EAPP: variants seen among roughly 807,000 people sequenced by gnomAD.
EAPP encodes the protein E2F-associated phosphoprotein.
EAPP carries 38 observed loss-of-function variants against 34.3 expected under a neutral mutation model. The observed-to-expected ratio is 1.11, with a 90% CI of 0.85 to 1.45. The LOEUF is 1.45. EAPP is among the 40% of genes most tolerant of loss of function. The pLI is 0.00. For missense variants in EAPP, 338 were observed against 343.7 expected (o/e 0.98, Z 0.13); for synonymous variants, 113 against 117.6 (o/e 0.96, Z 0.25).
intron 1 of EAPP, chr14:34,536,577 A>G (rs1354008171): frequency 1.1e-5 from 2 of 181,072 alleles, no homozygotes; most frequent in African/African-American, 5.1e-5. Flanking sequence ...CAATCCTCCC[A>G]CCTCGGGTTC....
intron 5 of EAPP, among the ~76,000 whole-genome samples, chr14:34,523,208 C>T (rs1159841629): frequency 4.7e-5 from 7 of 148,500 alleles, no homozygotes; most frequent in African/African-American, 1.7e-4. Context: ...CAGTTTGCTT[C>T]TATGCTGCTA....
Position 34,529,417 on chromosome 14 carries a change from T to G in EAPP, c.411A>C (p.Leu137Phe), listed in dbSNP as rs772644786. 1.9e-6 allele frequency: 3 copies of G among 1,613,656 alleles called. No individual in the cohort carries two copies. The South Asian group carries it at 3.3e-5, about 18-fold the overall frequency. The stretch of plus-strand genomic sequence containing the variant: ...TGTTATCTTTTTCAGGATCATACAG[T>G]AATTCGTCATTTGTTGGAATCTTGT... ...KQHKIPTNDE[L>F]LYDPEKDNRD... is the part of the protein sequence containing the mutation. Residue 137 changes from leucine to phenylalanine, a missense_variant, in exon 4 of 6, where the codon TTA becomes TTC. Transcript: ENST00000250454.
At chr14:34,521,442 T>G (rs920905979) in intron 5 of EAPP, among the ~76,000 whole-genome samples, 1 of 149,664 alleles carries the variant, frequency 6.7e-6, no homozygotes, top group Non-Finnish European at 1.5e-5. Flanking sequence ...TACCAATTCT[T>G]AGATTTAATC....
chr14:34,516,105 C>A lies in EAPP; in HGVS notation c.*205G>T. On this transcript the variant is annotated 3_prime_UTR_variant, in exon 6 of 6. Coordinates refer to ENST00000250454, the MANE Select transcript of EAPP (RefSeq NM_018453.4). ...ATCAAAAACAGAATGAATATCAGTC[C>A]CATCAATAAGGGGGAAAATCAAAGA... The A allele has an allele frequency of 2.1e-6, 1 of 481,276 alleles. No individual in the cohort carries two copies. The highest frequency in any genetic ancestry group is 3.6e-6 in the Non-Finnish European group (1 of 278,288). 29.8% of individuals were successfully genotyped at this position (481,276 alleles called of 1,614,324 possible).
intron 4 of EAPP, among the ~76,000 whole-genome samples, chr14:34,525,104 C>T (rs1490565396): frequency 6.6e-6 from 1 of 151,978 alleles, no homozygotes; most frequent in East Asian, 1.9e-4. Flanking sequence ...GATTACAACC[C>T]AAAGTATAAA....
At chr14:34,539,419 C>T (rs896806911) in intron 1 of EAPP, 136 bp downstream of exon 1, 9 of 972,984 alleles carry the variant, frequency 9.2e-6, no homozygotes, top group Non-Finnish European at 1.4e-5. Context: ...AGCCCTTTGG[C>T]TTCGCACAAG....
At chr14:34,522,044 G>C (rs993780355) in intron 5 of EAPP, among the ~76,000 whole-genome samples, 1 of 151,960 alleles carries the variant, frequency 6.6e-6, no homozygotes, top group Non-Finnish European at 1.5e-5. Context: ...CTGCAGCCTC[G>C]ACTTCCAGGG....
At chr14:34,539,187 ATAT>A in intron 1 of EAPP, 1 of 410,364 alleles carries the variant, frequency 2.4e-6, no homozygotes, top group African/African-American at 2.0e-5. Flanking sequence ...ATACTATGTT[ATAT>A]AGGTTATACA....
At chr14:34,531,091 G>C (rs1880273909) in intron 3 of EAPP, among the ~76,000 whole-genome samples, 1 of 151,100 alleles carries the variant, frequency 6.6e-6, no homozygotes, top group Admixed American at 6.6e-5. Flanking sequence ...GACAACCTGA[G>C]ATCAGGAGTT....
intron 2 of EAPP, 196 bp downstream of exon 2, chr14:34,535,898 A>G (rs7144711): frequency 0.36 from 179,020 of 503,172 alleles, 33,240 homozygotes; most frequent in Non-Finnish European, 0.4. Context: ...CATTGAATCT[A>G]AAGTAATAAA....
intron 5 of EAPP, among the ~76,000 whole-genome samples, chr14:34,519,856 C>T (rs1407600558): frequency 7.2e-6 from 1 of 139,850 alleles, no homozygotes; most frequent in Admixed American, 7.0e-5. Context: ...AAAAAAAAAA[C>T]TTACAGTTAT....
chr14:34,538,969 A>C (rs985778789), intron 1 of EAPP, among the ~76,000 whole-genome samples: 2 of 152,168 alleles, frequency 1.3e-5, no homozygotes, highest in Non-Finnish European at 2.9e-5. Context: ...ACTTTATCTT[A>C]TTACCCTTAT....
At chr14:34,531,116 C>A (rs1281726230) in intron 3 of EAPP, among the ~76,000 whole-genome samples, 1 of 151,052 alleles carries the variant, frequency 6.6e-6, no homozygotes, top group Non-Finnish European at 1.5e-5. Context: ...ACCAGCATGA[C>A]CAACATGGCG....
chr14:34,525,732 T>C (rs1296116376), intron 4 of EAPP, among the ~76,000 whole-genome samples: 1 of 151,980 alleles, frequency 6.6e-6, no homozygotes, highest in Non-Finnish European at 1.5e-5. Flanking sequence ...AATAATAATG[T>C]ATCAAGGCCG....
chr14:34,519,945 C>T (rs1366596653), intron 5 of EAPP, among the ~76,000 whole-genome samples: 4 of 148,274 alleles, frequency 2.7e-5, no homozygotes, highest in African/African-American at 7.5e-5. Flanking sequence ...AGTGCAGTGG[C>T]GCAATCTTGG....
At chr14:34,517,503 C>T (rs909345298) in intron 5 of EAPP, among the ~76,000 whole-genome samples, 2 of 152,052 alleles carry the variant, frequency 1.3e-5, no homozygotes, top group African/African-American at 4.8e-5. Flanking sequence ...TCCACCTCGG[C>T]CTCCTAAAGT....
chr14:34,517,104 A>AT (rs1434428169), intron 5 of EAPP, among the ~76,000 whole-genome samples: 2 of 151,100 alleles, frequency 1.3e-5, no homozygotes, highest in East Asian at 3.9e-4. Flanking sequence ...TGCCTGGCTA[A>AT]TTTTTTTGTA....
chr14:34,532,689 T>C (rs562897052), intron 3 of EAPP, among the ~76,000 whole-genome samples: 1 of 151,306 alleles, frequency 6.6e-6, no homozygotes, highest in South Asian at 2.1e-4. Context: ...TTTTTTTTTT[T>C]TTTGAGACGG....
intron 4 of EAPP, among the ~76,000 whole-genome samples, chr14:34,527,168 CAAAAAAAA>C (rs35039984): frequency 9.4e-6 from 1 of 106,830 alleles, no homozygotes; most frequent in South Asian, 3.3e-4. Context: ...AACTCCGTCT[CAAAAAAAA>C]AAAAAAAAAA....
Sources: allele counts gnomAD v4.1 joint callset (sites outside exome capture counted in the v4.1 genomes callset), GRCh38; gene constraint gnomAD v4.1.1; transcripts MANE v1.5; gene names NCBI Gene and HGNC (gene_info 2026-07-23, HGNC 2026-07-21).